FH: variants seen among roughly 807,000 people sequenced by gnomAD.
FH encodes the protein fumarate hydratase, mitochondrial.
In FH, 22 loss-of-function variants were observed where a neutral mutation model predicts 49.4. That is an observed-to-expected ratio of 0.45 (90% CI 0.32 to 0.64). The LOEUF (loss-of-function observed/expected upper bound fraction) is 0.64. FH is among the 30% of genes least tolerant of loss of function. The probability of loss-of-function intolerance (pLI) is 0.05; values close to 1 mark genes in which losing one functional copy is unlikely to be tolerated. For synonymous variants in FH, 208 were observed against 223.0 expected, an observed-to-expected ratio of 0.93 and a Z score of 0.60; for missense variants, 526 against 641.5, an observed-to-expected ratio of 0.82 and a Z score of 1.95.
intron 2 of FH, among the ~76,000 whole-genome samples, chr1:241,515,260 G>A (rs1483877002): frequency 6.6e-6 from 1 of 152,014 alleles, no homozygotes; most frequent in Non-Finnish European, 1.5e-5. Flanking sequence ...GCCTTTCACA[G>A]GTGTGCAATC....
At chr1:241,507,394 C>A (rs944704793) in intron 5 of FH, among the ~76,000 whole-genome samples, 5 of 151,878 alleles carry the variant, frequency 3.3e-5, no homozygotes, top group African/African-American at 9.7e-5. Flanking sequence ...TCAGAACATA[C>A]CCCCATTGCT....
intron 7 of FH, among the ~76,000 whole-genome samples, 188 bp downstream of exon 7, chr1:241,503,854 C>G (rs114855228): frequency 2.6e-5 from 4 of 152,380 alleles, no homozygotes; most frequent in African/African-American, 9.6e-5. Flanking sequence ...AAGTCAGATT[C>G]TTTCTTCCTA....
In FH at chr1:241,497,840, C is replaced by T. The variant is rs2147911186; in HGVS notation, c.1521G>A (p.Leu507=). The part of the protein sequence containing the change: ...FDEWVKPKDM[L]GPK ...AAATTTATGTAAATCACTTTGGACC[C>T]AGCATGTCCTTAGGTTTTACCCATT... Residue 507 remains leucine, a synonymous_variant, in exon 10 of 10, where the codon CTG becomes CTA. Transcript: ENST00000366560. 2 of 1,608,378 alleles carry T rather than the reference C, an allele frequency of 1.2e-6. No homozygotes were observed. Among genetic ancestry groups the T allele is most frequent in the African/African-American group, 2.7e-5 (2 of 74,798 alleles).
intron 2 of FH, 67 bp downstream of exon 2, chr1:241,517,110 ATAAAG>A (rs1301216018): frequency 8.2e-6 from 13 of 1,575,984 alleles, no homozygotes; most frequent in African/African-American, 2.7e-5. Context: ...AAAAATATTT[ATAAAG>A]TAAAGTGACT....
At chr1:241,513,003 T>C (rs1352408316) in intron 3 of FH, among the ~76,000 whole-genome samples, 1 of 152,078 alleles carries the variant, frequency 6.6e-6, no homozygotes, top group East Asian at 1.9e-4. Flanking sequence ...AAAATACATA[T>C]ATTTTTGCAA....
chr1:241,507,056 GA>G (rs1659948549), intron 5 of FH, among the ~76,000 whole-genome samples: 2 of 152,162 alleles, frequency 1.3e-5, no homozygotes, highest in Admixed American at 1.3e-4. Flanking sequence ...TGATGCATCT[GA>G]TATAACATCA....
chr1:241,500,530 T>A lies in FH; in HGVS notation c.1297A>T (p.Asn433Tyr), dbSNP rs200121326. Residue 433 changes from asparagine (N) to tyrosine (Y), a missense_variant, in exon 9 of 10, where the codon AAC becomes TAC. Asn to Tyr is a moderately radical substitution (Grantham distance 143, BLOSUM62 -2). Transcript: ENST00000366560. ...TTGGCCTGGATTCCCACCACGCAGT[T>A]TTCTGTAAAGGAAACTGAAGCATCC... ...LGDASVSFTE[N>Y]CVVGIQANTE... 2.5e-6 allele frequency: 4 copies of A among 1,613,346 alleles called. No individual in the cohort carries two copies. The highest frequency in any genetic ancestry group is 4.5e-5 in the East Asian group (2 of 44,836).
At chr1:241,511,434 C>A (rs1408258788) in intron 4 of FH, among the ~76,000 whole-genome samples, 3 of 152,060 alleles carry the variant, frequency 2.0e-5, no homozygotes, top group Non-Finnish European at 2.9e-5. Context: ...TCGCAAAAGA[C>A]CAAGAAACTG....
chr1:241,500,624 A>T, intron 8 of FH, 34 bp from the exon 9 acceptor site: 1 of 1,608,702 alleles, frequency 6.2e-7, no homozygotes, highest in East Asian at 2.2e-5. Flanking sequence ...AGAGAGAGAG[A>T]GAGAGAGAGA....
intron 8 of FH, among the ~76,000 whole-genome samples, chr1:241,501,545 C>G (rs1659780162): frequency 6.6e-6 from 1 of 152,088 alleles, no homozygotes; most frequent in African/African-American, 2.4e-5. Flanking sequence ...AGAAATCTGT[C>G]TTTTCATTGC....
At position 241,519,427 on chromosome 1, in the gene FH, C is replaced by G. The variant is rs1227558144; in HGVS notation, c.132+164G>C. 14 of 830,968 alleles carry G rather than the reference C, an allele frequency of 1.7e-5. No homozygotes were observed. In the East Asian group the frequency reaches 4.2e-4, roughly 25 times the overall value. 51.5% of individuals were successfully genotyped at this position (830,968 alleles called of 1,614,324 possible). On this transcript the variant is annotated intron_variant, in intron 1 of 9. Coordinates refer to ENST00000366560, the MANE Select transcript of FH (RefSeq NM_000143.4). Reference sequence around the variant, plus strand: ...CATCCCTGCGCCGGAAGAGGCGTCCCGAGGCCGGGAGGCCCGCCACGCCGG... The same window carrying G: ...CATCCCTGCGCCGGAAGAGGCGTCCGGAGGCCGGGAGGCCCGCCACGCCGG...
intron 1 of FH, among the ~76,000 whole-genome samples, chr1:241,517,928 T>G (rs1392434770): frequency 6.6e-6 from 1 of 152,212 alleles, no homozygotes; most frequent in African/African-American, 2.4e-5. Context: ...TAATTATTCA[T>G]GTGTGATTTA....
chr1:241,515,916 T>C (rs1469585720), intron 2 of FH, among the ~76,000 whole-genome samples: 1 of 152,218 alleles, frequency 6.6e-6, no homozygotes, highest in Non-Finnish European at 1.5e-5. Context: ...TTTAATTGAA[T>C]GTGGTAGAAA....
intron 7 of FH, 112 bp from the exon 8 acceptor site, chr1:241,502,682 C>A: frequency 1.6e-6 from 2 of 1,261,898 alleles, no homozygotes; most frequent in Non-Finnish European, 2.3e-6. Context: ...AAGCAAGGCC[C>A]AACCATCAGT....
rs886039367 is a variant in FH at position 241,500,436 on chromosome 1, C to A, written c.1390+1G>T. 3.1e-6 allele frequency: 5 copies of A among 1,613,518 alleles called. No individual in the cohort carries two copies. The highest frequency in any genetic ancestry group is 3.4e-6 in the Non-Finnish European group (4 of 1,179,548). On this transcript the variant is annotated splice_donor_variant, in intron 9 of 9. Coordinates refer to ENST00000366560, the MANE Select transcript of FH (RefSeq NM_000143.4). LOFTEE classifies it high-confidence loss of function. Reference sequence around the variant, plus strand: ...GATATTATTATTCCTTAAACACTTACCTATATGAGGATTGAGAGCTGTCAC... The same window carrying A: ...GATATTATTATTCCTTAAACACTTAACTATATGAGGATTGAGAGCTGTCAC...
rs768844053 is a variant in FH at position 241,497,820 on chromosome 1, T to C, written c.*8A>G. The stretch of plus-strand genomic sequence containing the variant: ...TACATGTTTATTTTCATTATAAATT[T>C]ATGTAAATCACTTTGGACCCAGCAT... On this transcript the variant is annotated 3_prime_UTR_variant, in exon 10 of 10. Coordinates refer to ENST00000366560, the MANE Select transcript of FH (RefSeq NM_000143.4). 1 of 1,581,750 alleles carries C rather than the reference T, an allele frequency of 6.3e-7. No individual in the cohort carries two copies.
rs1553341363 is a variant in FH at position 241,508,755 on chromosome 1, G to A, written c.586C>T (p.His196Tyr). The A allele has an allele frequency of 1.9e-6, 3 of 1,613,466 alleles. No individual in the cohort carries two copies. In the South Asian group the frequency reaches 3.3e-5, roughly 18 times the overall value. Residue 196 changes from histidine (H) to tyrosine (Y), a missense_variant, in exon 5 of 10, where the codon CAC (histidine) becomes TAC (tyrosine). By Grantham distance (83) the His-to-Tyr change is moderately conservative (BLOSUM62 2). Transcript: ENST00000366560. ...SSNDTFPTAM[H>Y]IAAAIEVHEV... ...TGAACTTCTATTGCAGCAGCAATGT[G>A]CATTGCTGTGGGAAAAGTATCATTT...
intron 1 of FH, among the ~76,000 whole-genome samples, chr1:241,518,657 C>T (rs1429290138): frequency 1.3e-5 from 2 of 152,212 alleles, no homozygotes; most frequent in Non-Finnish European, 2.9e-5. Flanking sequence ...ACTTTGCATA[C>T]GGATTTGAAA....
At chr1:241,509,146 T>A (rs1450373967) in intron 4 of FH, among the ~76,000 whole-genome samples, 2 of 150,984 alleles carry the variant, frequency 1.3e-5, no homozygotes, top group East Asian at 1.9e-4. Context: ...AGAAGTATAG[T>A]TAACAACTGC....
Sources: gnomAD v4.1 joint callset for allele counts (sites outside exome capture counted in the v4.1 genomes callset) on GRCh38, gnomAD v4.1.1 for gene constraint, MANE v1.5 for transcripts, NCBI Gene and HGNC (gene_info 2026-07-23, HGNC 2026-07-21) for gene names.